The following CPE variants were observed in gnomAD, a reference collection of about 807,000 sequenced individuals.
CPE encodes carbocypeptidase E.
CPE carries 17 observed loss-of-function variants against 53.5 expected under a neutral mutation model. The observed-to-expected ratio is 0.32, with a 90% CI of 0.22 to 0.48. CPE has a LOEUF of 0.48. CPE is among the 20% of genes least tolerant of loss of function. The probability of loss-of-function intolerance (pLI) is 0.99; values close to 1 mark genes in which losing one functional copy is unlikely to be tolerated. For missense variants in CPE, 524 were observed against 614.7 expected (o/e 0.85, Z 1.56); for synonymous variants, 226 against 228.8 (o/e 0.99, Z 0.11).
intron 1 of CPE, among the ~76,000 whole-genome samples, chr4:165,413,836 A>G (rs1364171302): frequency 2.0e-5 from 3 of 152,174 alleles, no homozygotes; most frequent in African/African-American, 7.2e-5. Context: ...AAAATTGGGC[A>G]GCTGTTTATC....
At chr4:165,495,721 G>A in intron 8 of CPE, 44 bp downstream of exon 8, 1 of 1,352,060 alleles carries the variant, frequency 7.4e-7, no homozygotes. Context: ...TAATAATTAA[G>A]CATTTATCAT....
At chr4:165,402,293 C>T (rs1315282319) in intron 1 of CPE, among the ~76,000 whole-genome samples, 1 of 152,170 alleles carries the variant, frequency 6.6e-6, no homozygotes, top group African/African-American at 2.4e-5. Flanking sequence ...TGACTGGTCC[C>T]ATTTGTAACC....
chr4:165,379,017 G>A lies in CPE; in HGVS notation c.-205G>A, dbSNP rs1049635844. On this transcript the variant is annotated 5_prime_UTR_variant, in exon 1 of 9. Transcript: ENST00000402744. The surrounding 1 kb of genome is among the most constrained non-coding windows in gnomAD (Gnocchi z 6.0). Reference sequence around the variant, plus strand: ...CCTGGGCTCCGCGGCCAGTAGTGCAGCCCGTGGAGCCGCGGCTTTGCCCGT... The same window carrying A: ...CCTGGGCTCCGCGGCCAGTAGTGCAACCCGTGGAGCCGCGGCTTTGCCCGT... The A allele has an allele frequency of 8.0e-5, 30 of 377,262 alleles. No homozygotes were observed. Among genetic ancestry groups the A allele is most frequent in the African/African-American group, 6.2e-4 (29 of 47,100 alleles). 23.4% of individuals were successfully genotyped at this position (377,262 alleles called of 1,614,324 possible).
intron 5 of CPE, among the ~76,000 whole-genome samples, 181 bp from the exon 6 acceptor site, chr4:165,487,254 TAAC>T (rs1732520226): frequency 6.6e-6 from 1 of 152,218 alleles, no homozygotes; most frequent in African/African-American, 2.4e-5. Flanking sequence ...TTTTAAGGTA[TAAC>T]AACCCCCGAC....
intron 3 of CPE, among the ~76,000 whole-genome samples, chr4:165,471,356 G>T (rs1732203456): frequency 6.6e-6 from 1 of 152,112 alleles, no homozygotes. Flanking sequence ...AAAAACAACT[G>T]CTGAGAATAG....
At position 165,464,513 on chromosome 4, in the gene CPE, A is replaced by G. The variant is rs769274484; in HGVS notation, c.431A>G (p.Asn144Ser). Residue 144 changes from asparagine (N) to serine (S), a missense_variant, in exon 2 of 9, where the codon AAC (asparagine) becomes AGC (serine). Transcript: ENST00000402744. The stretch of plus-strand genomic sequence containing the variant: ...CAGAAGGGGAACGAGACAATTGTCA[A>G]CCTGATCCACAGTACCCGCATTCAC... ...EYQKGNETIV[N>S]LIHSTRIHIM... is the part of the protein sequence containing the mutation. 5.0e-6 allele frequency: 8 copies of G among 1,613,944 alleles called. No homozygotes were observed. The highest frequency in any genetic ancestry group is 1.7e-4 in the Middle Eastern group (1 of 6,060).
intron 1 of CPE, chr4:165,404,423 T>C: frequency 1.3e-6 from 1 of 764,662 alleles, no homozygotes; most frequent in Non-Finnish European, 2.4e-6. Flanking sequence ...CAAATTCTTA[T>C]TCTTCACACT....
chr4:165,416,709 G>A (rs1244481836), intron 1 of CPE, among the ~76,000 whole-genome samples: 2 of 151,650 alleles, frequency 1.3e-5, no homozygotes, highest in Non-Finnish European at 2.9e-5. Context: ...CCCGGCCTGG[G>A]TTATATAGGT....
chr4:165,396,473 A>G (rs1347479618), intron 1 of CPE, among the ~76,000 whole-genome samples: 2 of 151,988 alleles, frequency 1.3e-5, no homozygotes, highest in African/African-American at 4.8e-5. Flanking sequence ...GGAGTTTGAG[A>G]CCAGCCTGGC....
intron 1 of CPE, among the ~76,000 whole-genome samples, chr4:165,384,923 A>G (rs1462932105): frequency 3.3e-5 from 5 of 152,308 alleles, no homozygotes; most frequent in South Asian, 2.1e-4. Context: ...TTCTGAGGCA[A>G]TGAGGCAGAG....
intron 1 of CPE, among the ~76,000 whole-genome samples, chr4:165,424,180 G>A (rs1298714415): frequency 2.6e-5 from 4 of 151,350 alleles, no homozygotes; most frequent in Admixed American, 2.6e-4. Flanking sequence ...TTATGAAGTG[G>A]TCCTTTCACC....
intron 4 of CPE, among the ~76,000 whole-genome samples, chr4:165,483,388 C>T (rs938057972): frequency 1.2e-4 from 19 of 152,268 alleles, no homozygotes; most frequent in African/African-American, 4.6e-4. Context: ...TCTAATCAAC[C>T]ATTGATGGAC....
chr4:165,482,274 G>T lies in CPE; in HGVS notation c.705G>T (p.Trp235Cys). 1.2e-6 allele frequency: 2 copies of T among 1,613,848 alleles called. No individual in the cohort carries two copies. The highest frequency in any genetic ancestry group is 1.7e-6 in the Non-Finnish European group (2 of 1,179,850). Residue 235 changes from tryptophan to cysteine, a missense_variant, in exon 4 of 9, where the codon TGG becomes TGT. Coordinates refer to ENST00000402744, the MANE Select transcript of CPE (RefSeq NM_001873.4). ...LAPETKAVIHWIMDIPFVLSA... is the reference protein window; with the variant it reads ...LAPETKAVIHCIMDIPFVLSA... Reference sequence around the variant, plus strand: ...CTGAGACCAAGGCTGTCATTCATTGGATTATGGATATTCCTTTTGTGCTTT... The same window carrying T: ...CTGAGACCAAGGCTGTCATTCATTGTATTATGGATATTCCTTTTGTGCTTT...
At chr4:165,392,492 A>G (rs1730699525) in intron 1 of CPE, among the ~76,000 whole-genome samples, 1 of 145,400 alleles carries the variant, frequency 6.9e-6, no homozygotes, top group South Asian at 2.1e-4. Flanking sequence ...TATATTTACA[A>G]TATATGATAT....
intron 1 of CPE, among the ~76,000 whole-genome samples, chr4:165,423,800 C>G (rs537166168): frequency 7.8e-6 from 1 of 128,822 alleles, no homozygotes; most frequent in African/African-American, 2.9e-5. Flanking sequence ...CCCCTCCCCC[C>G]ACCCCACAAC....
chr4:165,426,669 G>T (rs191603583), intron 1 of CPE, among the ~76,000 whole-genome samples: 1 of 151,958 alleles, frequency 6.6e-6, no homozygotes, highest in Non-Finnish European at 1.5e-5. Context: ...GCTATTTCTG[G>T]ATTAAAGAAA....
intron 1 of CPE, among the ~76,000 whole-genome samples, chr4:165,437,808 T>C (rs564172822): frequency 6.6e-6 from 1 of 152,068 alleles, no homozygotes; most frequent in South Asian, 2.1e-4. Flanking sequence ...AATCTTGAAG[T>C]ATGAGTAAGA....
In CPE at chr4:165,463,588, CAT is replaced by C. The variant is rs142056566; in HGVS notation, c.308-800_308-799del. Among the ~76,000 whole-genome samples, 1,029 of 152,262 alleles carry C rather than the reference CAT, an allele frequency of 6.8e-3. 26 individuals are homozygous for C. The East Asian group carries it at 0.097, about 14-fold the overall frequency. ...AGGAATAAAAACAAAAAAACAAAAA[CAT>C]AGACGTTTAAGTAAACCAGAAGACT... On this transcript the variant is annotated intron_variant, in intron 1 of 8. Coordinates refer to ENST00000402744, the MANE Select transcript of CPE (RefSeq NM_001873.4).
rs762590299 is a variant in CPE, at chr4:165,467,698, T to C, written c.515T>C (p.Leu172Pro). Reference protein sequence around the residue: ...FEKAASQPGELKDWFVGRSNA... With the variant: ...FEKAASQPGEPKDWFVGRSNA... ...CTTTTTTTTTTTTAGCCTGGTGAAC[T>C]CAAGGACTGGTTTGTGGGTCGAAGC... Residue 172 changes from leucine (L) to proline (P), a missense_variant, in exon 3 of 9, where the codon CTC becomes CCC. Physicochemically the swap from Leu to Pro is moderately conservative, Grantham distance 98 (BLOSUM62 -3). Coordinates refer to ENST00000402744, the MANE Select transcript of CPE (RefSeq NM_001873.4). The C allele has an allele frequency of 6.3e-6, 10 of 1,595,766 alleles. No homozygotes were observed. The Admixed American group carries it at 1.8e-4, about 29-fold the overall frequency.
Sources: gnomAD v4.1 joint callset for allele counts (sites outside exome capture counted in the v4.1 genomes callset) on GRCh38, gnomAD v4.1.1 for gene constraint, Gnocchi (gnomAD v3.1) non-coding constraint, MANE v1.5 for transcripts, NCBI Gene and HGNC (gene_info 2026-07-23, HGNC 2026-07-21) for gene names.